The following BCL11A variants were observed in gnomAD, a reference collection of about 807,000 sequenced individuals.
BCL11A encodes B cell CLL/lymphoma 11A.
Under a neutral mutation model 55.9 loss-of-function variants are expected in BCL11A, and 2 were observed. The ratio of observed to expected loss-of-function variants is 0.04; its 90% CI spans 0.01 to 0.11. BCL11A has a LOEUF of 0.11. BCL11A is among the 10% of genes least tolerant of loss of function. BCL11A has a pLI of 1.00. For missense variants in BCL11A, 817 were observed against 1,137.1 expected (o/e 0.72, Z 4.05); for synonymous variants, 465 against 473.4 (o/e 0.98, Z 0.23).
chr2:60,452,701 A>T (rs1234373686), downstream of BCL11A: 12 of 1,528,472 alleles, frequency 7.9e-6, no homozygotes, highest in Non-Finnish European at 1.1e-5. Context: ...AGGGGGAAAA[A>T]AAAAGTACAG....
At chr2:60,504,604 A>C (rs1679470261) in intron 2 of BCL11A, among the ~76,000 whole-genome samples, 1 of 152,014 alleles carries the variant, frequency 6.6e-6, no homozygotes, top group Non-Finnish European at 1.5e-5. Flanking sequence ...GAAACAGCCA[A>C]CTCTGTCTCT....
At chr2:60,494,189 C>T (rs113599538) in intron 2 of BCL11A, among the ~76,000 whole-genome samples, 2 of 152,308 alleles carry the variant, frequency 1.3e-5, no homozygotes, top group Non-Finnish European at 2.9e-5. Context: ...GCAATAAATA[C>T]ATCCTTGAGC....
intron 2 of BCL11A, among the ~76,000 whole-genome samples, chr2:60,529,995 A>C (rs58642035): frequency 0.039 from 5,928 of 152,316 alleles, 382 homozygotes; most frequent in African/African-American, 0.14. Flanking sequence ...AGGAGGGCAA[A>C]GACTGCACAT....
intron 2 of BCL11A, among the ~76,000 whole-genome samples, chr2:60,520,232 C>T (rs1375459647): frequency 6.6e-6 from 1 of 152,102 alleles, no homozygotes; most frequent in Non-Finnish European, 1.5e-5. Context: ...TCAAAAGTTC[C>T]CAGGCAAATG....
At chr2:60,521,071 A>ACACACACACACACACACACACACACT (rs1558471239) in intron 2 of BCL11A, among the ~76,000 whole-genome samples, 2 of 46,984 alleles carry the variant, frequency 4.3e-5, no homozygotes, top group Admixed American at 2.1e-4. Context: ...TGGTCAGCAC[A>ACACACACACACACACACACACACACT]CACACACACA....
downstream of BCL11A, chr2:60,452,463 G>A (rs1057444232): frequency 1.6e-5 from 14 of 877,836 alleles, no homozygotes; most frequent in Middle Eastern, 3.3e-4. Flanking sequence ...TTCGCACAAC[G>A]GCTTCTTGGA....
At position 60,461,344 on chromosome 2, in the gene BCL11A, C is replaced by T. The variant is rs1676267559; in HGVS notation, c.1568G>A (p.Arg523His). 6.3e-7 allele frequency: 1 copy of T among 1,589,822 alleles called. No individual in the cohort carries two copies. The highest frequency in any genetic ancestry group is 1.7e-4 in the Middle Eastern group (1 of 6,020). ...YGFGLSLEAA[R>H]HHENSSRGAV... ...GCCCCGCGAGCTGTTCTCGTGGTGG[C>T]GCGCCGCCTCCAGGCTCAGCCCGAA... Residue 523 changes from arginine (R) to histidine (H), a missense_variant, in exon 4 of 4, where the codon CGC becomes CAC. Arg to His is a conservative substitution (Grantham distance 29, BLOSUM62 0). Around this residue, in one of 4 missense-constraint regions of BCL11A, gnomAD observed 379 missense variants for 425.3 expected, o/e 0.89. Transcript: ENST00000642384.
chr2:60,491,275 A>G (rs909399301), intron 2 of BCL11A, among the ~76,000 whole-genome samples: 2 of 152,248 alleles, frequency 1.3e-5, no homozygotes, highest in Non-Finnish European at 2.9e-5. Flanking sequence ...TAAATGCAGC[A>G]CTACTAAAAA....
At chr2:60,481,734 C>T (rs1273111856) in intron 2 of BCL11A, among the ~76,000 whole-genome samples, 1 of 152,170 alleles carries the variant, frequency 6.6e-6, no homozygotes, top group Non-Finnish European at 1.5e-5. Flanking sequence ...GTTTTAAGGG[C>T]ATTTTTTTTC....
At chr2:60,515,059 AG>A (rs1176798225) in intron 2 of BCL11A, among the ~76,000 whole-genome samples, 2 of 152,032 alleles carry the variant, frequency 1.3e-5, no homozygotes, top group Non-Finnish European at 2.9e-5. Flanking sequence ...CCACACCTCC[AG>A]GGGACCCCCT....
Position 60,461,991 on chromosome 2 carries a change from A to G in BCL11A, c.921T>C (p.Ala307=). ...AGAAATCCATGGCGGGAGGCTCCAT[A>G]GCCATTGGATTCAACCGCAGCACCC... The part of the protein sequence containing the change: ...FDRVLRLNPM[A]MEPPAMDFSR... Residue 307 remains alanine (A), a synonymous_variant, in exon 4 of 4, where the codon GCT becomes GCC. Coordinates refer to ENST00000642384, the MANE Select transcript of BCL11A (RefSeq NM_022893.4). 3 of 1,613,600 alleles carry G rather than the reference A, an allele frequency of 1.9e-6. No homozygotes were observed. The highest frequency in any genetic ancestry group is 2.2e-5 in the East Asian group (1 of 44,858).
intron 2 of BCL11A, among the ~76,000 whole-genome samples, chr2:60,476,666 T>A (rs558254767): frequency 6.6e-6 from 1 of 152,362 alleles, no homozygotes; most frequent in East Asian, 1.9e-4. Context: ...CCTTCCAGGC[T>A]CATTGAAAAT....
At chr2:60,545,278 G>A (rs1049432653) in intron 2 of BCL11A, 2 of 152,262 alleles carry the variant, frequency 1.3e-5, no homozygotes, top group Admixed American at 6.5e-5. Context: ...TAAACTTTTC[G>A]AGTAAGCATG....
At chr2:60,475,345 T>TC (rs1229322699) in intron 2 of BCL11A, among the ~76,000 whole-genome samples, 1 of 152,146 alleles carries the variant, frequency 6.6e-6, no homozygotes, top group Admixed American at 6.5e-5. Flanking sequence ...TGTTCTGTTT[T>TC]CCCCCCACCT....
intron 2 of BCL11A, among the ~76,000 whole-genome samples, chr2:60,503,552 G>A (rs182160577): frequency 3.4e-4 from 52 of 152,194 alleles, no homozygotes; most frequent in East Asian, 1.9e-4. Flanking sequence ...AATGTGTGGC[G>A]CTCAGGTCTG....
At chr2:60,480,909 T>C (rs1212256863) in intron 2 of BCL11A, among the ~76,000 whole-genome samples, 1 of 152,136 alleles carries the variant, frequency 6.6e-6, no homozygotes, top group Non-Finnish European at 1.5e-5. Flanking sequence ...TACCTCCGCT[T>C]GAATAATCCT....
At chr2:60,472,751 A>G (rs1677279107) in intron 2 of BCL11A, among the ~76,000 whole-genome samples, 1 of 152,240 alleles carries the variant, frequency 6.6e-6, no homozygotes, top group Non-Finnish European at 1.5e-5. Context: ...TTCCTTGACT[A>G]TTAACATGCT....
At chr2:60,525,595 T>G (rs1669166359) in intron 2 of BCL11A, 1 of 152,088 alleles carries the variant, frequency 6.6e-6, no homozygotes, top group Non-Finnish European at 1.5e-5. Context: ...GTGGTGTTCA[T>G]ACTATGCTAG....
chr2:60,481,258 C>T (rs1252929874), intron 2 of BCL11A, among the ~76,000 whole-genome samples: 1 of 152,062 alleles, frequency 6.6e-6, no homozygotes, highest in African/African-American at 2.4e-5. Context: ...AACCTAGCCA[C>T]CCATCTCTGC....
Sources: allele counts gnomAD v4.1 joint callset (sites outside exome capture counted in the v4.1 genomes callset), GRCh38; gene constraint gnomAD v4.1.1; regional missense constraint gnomAD v4.1.1; transcripts MANE v1.5; gene names NCBI Gene and HGNC (gene_info 2026-07-23, HGNC 2026-07-21).